SERPINE2: variants seen among roughly 807,000 people sequenced by gnomAD.
SERPINE2 encodes the protein glia-derived nexin.
A neutral mutation model predicts 36.3 loss-of-function variants in SERPINE2; 14 were observed. The ratio of observed to expected loss-of-function variants is 0.39; its 90% CI spans 0.25 to 0.60. The LOEUF is 0.60. SERPINE2 is among the 20% of genes least tolerant of loss of function. The pLI, the probability that SERPINE2 is intolerant of heterozygous loss-of-function variation, is 0.57. For missense variants in SERPINE2, 418 were observed against 499.6 expected, an observed-to-expected ratio of 0.84 and a Z score of 1.56; for synonymous variants, 192 against 191.8, an observed-to-expected ratio of 1.00 and a Z score of -0.01.
chr2:224,036,115 C>T (rs541994547), intron 1 of SERPINE2, among the ~76,000 whole-genome samples: 2 of 152,020 alleles, frequency 1.3e-5, no homozygotes, highest in East Asian at 1.9e-4. Context: ...GGTAAGCGCA[C>T]CAGACTGCAG....
At chr2:224,030,344 G>T in intron 1 of SERPINE2, 1 of 457,876 alleles carries the variant, frequency 2.2e-6, no homozygotes, top group Non-Finnish European at 2.9e-6. Context: ...ACACGAGGAA[G>T]ACATGAGTCT....
intron 1 of SERPINE2, chr2:224,038,495 G>A: frequency 1.3e-6 from 2 of 1,551,518 alleles, no homozygotes; most frequent in Non-Finnish European, 1.7e-6. Context: ...TTTACCTGCA[G>A]TCACTCATCC....
chr2:224,018,600 A>T (rs115500795), intron 1 of SERPINE2, among the ~76,000 whole-genome samples: 3,321 of 151,904 alleles, frequency 0.022, 81 homozygotes, highest in African/African-American at 0.059. Flanking sequence ...CAAAAAAAAA[A>T]AATAATAATA....
intron 1 of SERPINE2, among the ~76,000 whole-genome samples, chr2:224,035,066 A>G (rs550250828): frequency 6.6e-6 from 1 of 152,048 alleles, no homozygotes; most frequent in Non-Finnish European, 1.5e-5. Flanking sequence ...GAGGGACCCA[A>G]GAAGACTTGG....
At chr2:224,038,426 G>A in intron 1 of SERPINE2, 3 of 1,399,548 alleles carry the variant, frequency 2.1e-6, no homozygotes, top group Non-Finnish European at 3.0e-6. Flanking sequence ...TCCCCGCTCA[G>A]TTTGTGGACA....
At chr2:223,987,246 G>A (rs965962296) in intron 4 of SERPINE2, among the ~76,000 whole-genome samples, 8 of 152,266 alleles carry the variant, frequency 5.3e-5, no homozygotes, top group South Asian at 2.1e-4. Context: ...AAAAACTGCC[G>A]TCTTTTGATG....
chr2:224,019,624 T>C (rs1057000230), intron 1 of SERPINE2, among the ~76,000 whole-genome samples: 1 of 152,152 alleles, frequency 6.6e-6, no homozygotes, highest in Non-Finnish European at 1.5e-5. Context: ...AAGTGCTCAA[T>C]ATATAATGGA....
chr2:224,022,808 C>T (rs1646648677), intron 1 of SERPINE2, among the ~76,000 whole-genome samples: 1 of 152,178 alleles, frequency 6.6e-6, no homozygotes, highest in Non-Finnish European at 1.5e-5. Flanking sequence ...CTCCATAATC[C>T]CCCTGTGCCA....
intron 1 of SERPINE2, among the ~76,000 whole-genome samples, chr2:224,005,642 T>C (rs1691394939): frequency 6.6e-6 from 1 of 152,202 alleles, no homozygotes; most frequent in African/African-American, 2.4e-5. Context: ...TTCTCAAGCT[T>C]TGAAATGCTT....
chr2:224,009,646 G>C (rs749628991), intron 1 of SERPINE2, among the ~76,000 whole-genome samples: 1 of 152,088 alleles, frequency 6.6e-6, no homozygotes, highest in East Asian at 1.9e-4. Flanking sequence ...AGTGAGCCGA[G>C]ATTGTGCTAC....
At chr2:224,022,071 A>G (rs1692020197) in intron 1 of SERPINE2, among the ~76,000 whole-genome samples, 1 of 147,876 alleles carries the variant, frequency 6.8e-6, no homozygotes, top group African/African-American at 2.5e-5. Flanking sequence ...AGACAGGAGA[A>G]TGGCATGAAC....
chr2:224,029,609 C>A (rs1453028432), intron 1 of SERPINE2, among the ~76,000 whole-genome samples: 2 of 152,172 alleles, frequency 1.3e-5, no homozygotes, highest in Non-Finnish European at 2.9e-5. Context: ...GTCAGAAAAA[C>A]AAGAATGAAA....
At chr2:223,993,925 C>T (rs916560578) in intron 3 of SERPINE2, among the ~76,000 whole-genome samples, 4 of 152,190 alleles carry the variant, frequency 2.6e-5, no homozygotes, top group African/African-American at 9.7e-5. Context: ...CCTGTGGGAG[C>T]GAAGTTAGAA....
At position 224,005,064 on chromosome 2, in the gene SERPINE2, A is replaced by ATTATATATTT. The variant is rs1553547001; in HGVS notation, c.-22-3143_-22-3142insAAATATATAA. On this transcript the variant is annotated intron_variant, in intron 1 of 8. Coordinates refer to ENST00000409304, the MANE Select transcript of SERPINE2 (RefSeq NM_001136528.2). Reference sequence around the variant, plus strand: ...AATATATTTTATATATTTTATATATATTATATATATATATATATATATATA... The same window carrying ATTATATATTT: ...AATATATTTTATATATTTTATATATATTATATATTTTTATATATATATATATATATATATA... Among the ~76,000 whole-genome samples, 286 of 89,772 alleles carry ATTATATATTT rather than the reference A, an allele frequency of 3.2e-3. 2 individuals carry two copies. Among genetic ancestry groups the ATTATATATTT allele is most frequent in the Admixed American group, 5.7e-3 (55 of 9,660 alleles). The allele number at this position is 89,772 out of a possible 152,430, so 58.9% of individuals were successfully genotyped here. A position where few individuals can be genotyped will look rare whatever the true frequency, so the allele number is the denominator to read the frequency against.
rs148496255 is a variant in SERPINE2, at chr2:223,997,228, T to G, written c.487+887A>C. On this transcript the variant is annotated intron_variant, in intron 3 of 8. Coordinates refer to ENST00000409304, the MANE Select transcript of SERPINE2 (RefSeq NM_001136528.2). ...TTTTTGTTTTTTTGTTTCTTTTTGT[T>G]GTTGTTGTTTTAGACACAGTCTCAT... is the stretch of plus-strand genomic sequence containing the variant. 5.2e-4 allele frequency among the ~76,000 whole-genome samples: 79 copies of G among 152,306 alleles called. 4 individuals carry two copies. The East Asian group carries it at 0.015, about 29-fold the overall frequency.
intron 7 of SERPINE2, chr2:223,978,046 T>C (rs980694325): frequency 6.1e-6 from 1 of 164,510 alleles, no homozygotes. Flanking sequence ...AGTCCTTTTT[T>C]TTGGGGATGG....
intron 3 of SERPINE2, among the ~76,000 whole-genome samples, 160 bp downstream of exon 3, chr2:223,997,955 G>GA (rs1690958729): frequency 6.6e-6 from 1 of 152,210 alleles, no homozygotes; most frequent in Non-Finnish European, 1.5e-5. Context: ...ATGGCAGATT[G>GA]AAGGGGAAGG....
At chr2:223,996,427 C>T (rs1250752285) in intron 3 of SERPINE2, among the ~76,000 whole-genome samples, 1 of 152,192 alleles carries the variant, frequency 6.6e-6, no homozygotes, top group Non-Finnish European at 1.5e-5. Flanking sequence ...ATGGTCCAGG[C>T]CCCACTGAGA....
chr2:224,018,973 A>G (rs537134411), intron 1 of SERPINE2, among the ~76,000 whole-genome samples: 7 of 152,286 alleles, frequency 4.6e-5, no homozygotes, highest in African/African-American at 1.7e-4. Flanking sequence ...GTCAATCCCT[A>G]TGATGACTTC....
Sources: gnomAD v4.1 joint callset for allele counts (sites outside exome capture counted in the v4.1 genomes callset) on GRCh38, gnomAD v4.1.1 for gene constraint, MANE v1.5 for transcripts, NCBI Gene and HGNC (gene_info 2026-07-23, HGNC 2026-07-21) for gene names.